ZFYVE28: variants seen among roughly 807,000 people sequenced by gnomAD.
ZFYVE28 encodes lateral signaling target protein 2 homolog.
In ZFYVE28, 40 loss-of-function variants were observed where a neutral mutation model predicts 82.1. The ratio of observed to expected loss-of-function variants is 0.49; its 90% confidence interval spans 0.38 to 0.63. ZFYVE28 has a LOEUF of 0.63. Among genes scored for constraint, ZFYVE28 ranks in the 30% least tolerant of loss-of-function variants. The pLI is 0.00. For missense variants in ZFYVE28, 1,321 were observed against 1,242.1 expected (o/e 1.06, Z -0.96); for synonymous variants, 612 against 546.1 (o/e 1.12, Z -1.68).
chr4:2,368,211 C>CAAAAAA (rs34092714), intron 1 of ZFYVE28, among the ~76,000 whole-genome samples: 3,289 of 85,914 alleles, frequency 0.038, 324 homozygotes, highest in African/African-American at 0.13. Flanking sequence ...CACATCTCTA[C>CAAAAAA]AAAAAAAAAA....
rs575232255 is a variant in ZFYVE28, at chr4:2,372,364, G to C, written c.40-18291C>G. On this transcript the variant is annotated intron_variant, in intron 1 of 12. Coordinates refer to ENST00000290974, the MANE Select transcript of ZFYVE28 (RefSeq NM_020972.3). This position sits in a 1 kb window ranked among gnomAD's most constrained non-coding sequence, Gnocchi z 5.2. The stretch of plus-strand genomic sequence containing the variant: ...CTGCCTCCCCAGCCCTTCCATCGCC[G>C]CCTCCTGCCACCACCGCTCCCGCCA... Among the ~76,000 whole-genome samples, 1 of 151,880 alleles carries C rather than the reference G, an allele frequency of 6.6e-6. No homozygotes were observed. The highest frequency in any genetic ancestry group is 2.4e-5 in the African/African-American group (1 of 41,340).
chr4:2,375,877 A>T (rs1383601991), intron 1 of ZFYVE28, among the ~76,000 whole-genome samples: 1 of 147,636 alleles, frequency 6.8e-6, no homozygotes, highest in African/African-American at 2.5e-5. Flanking sequence ...TGGTCAAATA[A>T]TTTTTTTTTT....
At chr4:2,315,279 GTTTT>G (rs1238400951) in intron 7 of ZFYVE28, among the ~76,000 whole-genome samples, 1 of 151,930 alleles carries the variant, frequency 6.6e-6, no homozygotes, top group Non-Finnish European at 1.5e-5. Flanking sequence ...TCCTTCAGCA[GTTTT>G]TTTTGTTTTG....
Position 2,341,701 on chromosome 4 carries a change from T to C in ZFYVE28, c.181-86A>G. On this transcript the variant is annotated intron_variant, in intron 2 of 12. Coordinates refer to ENST00000290974, the MANE Select transcript of ZFYVE28 (RefSeq NM_020972.3). The surrounding 1 kb of genome is among the most constrained non-coding windows in gnomAD (Gnocchi z 4.5). ...ACTGCTGGAAAACACGCACGGTGCATGTGACTGTTTTTTAGGATTATTAAA... is the reference window on the plus strand; with the variant it reads ...ACTGCTGGAAAACACGCACGGTGCACGTGACTGTTTTTTAGGATTATTAAA... 1 of 1,528,978 alleles carries C rather than the reference T, an allele frequency of 6.5e-7. No individual in the cohort carries two copies. The highest frequency in any genetic ancestry group is 8.9e-7 in the Non-Finnish European group (1 of 1,124,388). 94.7% of individuals were successfully genotyped at this position (1,528,978 alleles called of 1,614,324 possible).
intron 1 of ZFYVE28, among the ~76,000 whole-genome samples, chr4:2,410,470 T>C (rs111315120): frequency 0.019 from 2,902 of 149,668 alleles, 73 homozygotes; most frequent in African/African-American, 0.063. Context: ...TTTTTTTTTT[T>C]TTCATTTTTT....
chr4:2,411,214 A>G (rs1732486401), intron 1 of ZFYVE28, among the ~76,000 whole-genome samples: 1 of 151,440 alleles, frequency 6.6e-6, no homozygotes, highest in Non-Finnish European at 1.5e-5. Flanking sequence ...TTCCTTGTCC[A>G]TGGAGGGGCC....
rs1253993340 is a variant in ZFYVE28 at position 2,270,619 on chromosome 4, G to A, written c.*106C>T. On this transcript the variant is annotated 3_prime_UTR_variant, in exon 13 of 13. Transcript: ENST00000290974. ...CTCTGGAGGTCTGGGTGCCCCTGCA[G>A]CAGCGGCAGCGGCCTCATGAGACGC... 6.6e-7 allele frequency: 1 copy of A among 1,505,394 alleles called. No individual in the cohort carries two copies. Among genetic ancestry groups the A allele is most frequent in the African/African-American group, 1.4e-5 (1 of 73,442 alleles). 93.3% of individuals were successfully genotyped at this position (1,505,394 alleles called of 1,614,324 possible).
chr4:2,279,851 A>G (rs1399205689), intron 8 of ZFYVE28, among the ~76,000 whole-genome samples: 1 of 151,956 alleles, frequency 6.6e-6, no homozygotes, highest in Non-Finnish European at 1.5e-5. Flanking sequence ...GGCGAAACCC[A>G]TAGGGGCAGA....
rs1411132695 is a variant in ZFYVE28, at chr4:2,408,819, C to T, written c.39+9466G>A. The stretch of plus-strand genomic sequence containing the variant: ...AGATGAAGCCACGCCCAGGTGAGCC[C>T]CGCCCCACGGGCTGATCCACCCAAT... On this transcript the variant is annotated intron_variant, in intron 1 of 12. Transcript: ENST00000290974. The surrounding 1 kb of genome is among the most constrained non-coding windows in gnomAD (Gnocchi z 4.3). 6.6e-6 allele frequency among the ~76,000 whole-genome samples: 1 copy of T among 151,762 alleles called. No homozygotes were observed. The highest frequency in any genetic ancestry group is 2.4e-5 in the African/African-American group (1 of 41,030).
intron 2 of ZFYVE28, among the ~76,000 whole-genome samples, chr4:2,351,202 A>T (rs992509540): frequency 2.0e-5 from 3 of 151,494 alleles, no homozygotes; most frequent in Admixed American, 2.0e-4. Flanking sequence ...TGAATAGAGG[A>T]CCCCCACTGC....
In ZFYVE28 at chr4:2,330,781, C is replaced by T. The variant is rs1720555625; in HGVS notation, c.701+4924G>A. ...GGACAGTGTGGCAGTAGGGATAGGA[C>T]AGTCAAGGGGACCCTGAGCGAAGGG... On this transcript the variant is annotated intron_variant, in intron 6 of 12. Transcript: ENST00000290974. 4.6e-6 allele frequency: 7 copies of T among 1,522,430 alleles called. No homozygotes were observed. The African/African-American group carries it at 5.6e-5, about 12-fold the overall frequency. 94.3% of individuals were successfully genotyped at this position (1,522,430 alleles called of 1,614,324 possible).
At chr4:2,299,016 CT>C (rs1462252959) in intron 8 of ZFYVE28, among the ~76,000 whole-genome samples, 2 of 152,236 alleles carry the variant, frequency 1.3e-5, no homozygotes, top group East Asian at 3.8e-4. Context: ...GAGGAACAGA[CT>C]TGTTTCTAGA....
intron 8 of ZFYVE28, among the ~76,000 whole-genome samples, chr4:2,297,361 T>A (rs902137740): frequency 6.6e-6 from 1 of 152,150 alleles, no homozygotes; most frequent in African/African-American, 2.4e-5. Context: ...CCGTGACACC[T>A]CTGAGCCCTG....
Position 2,341,116 on chromosome 4 carries a change from C to A in ZFYVE28, c.318+362G>T, listed in dbSNP as rs1722725166. On this transcript the variant is annotated intron_variant, in intron 3 of 12. Coordinates refer to ENST00000290974, the MANE Select transcript of ZFYVE28 (RefSeq NM_020972.3). The surrounding 1 kb of genome is among the most constrained non-coding windows in gnomAD (Gnocchi z 4.5). ...GTGGGGCTGCAGCACGGCTCCCCAG[C>A]CCCTGCTGCTGCCCATGCTGCAGGG... is the stretch of plus-strand genomic sequence containing the variant. Among the ~76,000 whole-genome samples the A allele has an allele frequency of 6.6e-6, 1 of 152,068 alleles. No homozygotes were observed. The highest frequency in any genetic ancestry group is 6.5e-5 in the Admixed American group (1 of 15,282).
chr4:2,281,853 C>A (rs768422000), intron 8 of ZFYVE28, among the ~76,000 whole-genome samples: 1 of 152,108 alleles, frequency 6.6e-6, no homozygotes, highest in Non-Finnish European at 1.5e-5. Context: ...CACTATGTGT[C>A]CCCCAAAAGC....
rs78191673 is a variant in ZFYVE28, at chr4:2,397,745, G to A, written c.39+20540C>T. Among the ~76,000 whole-genome samples the A allele has an allele frequency of 1.4e-4, 22 of 152,246 alleles. No individual in the cohort carries two copies. In the East Asian group the frequency reaches 3.7e-3, roughly 25 times the overall value. On this transcript the variant is annotated intron_variant, in intron 1 of 12. Transcript: ENST00000290974. ...GGTCATCCATGCCGTAGTATGTGTCGGAATGTCCTTCCTTTTTAAGGCTGA... is the reference window on the plus strand; with the variant it reads ...GGTCATCCATGCCGTAGTATGTGTCAGAATGTCCTTCCTTTTTAAGGCTGA...
At chr4:2,363,648 C>T (rs1171848174) in intron 1 of ZFYVE28, among the ~76,000 whole-genome samples, 1 of 152,194 alleles carries the variant, frequency 6.6e-6, no homozygotes, top group Non-Finnish European at 1.5e-5. Flanking sequence ...TGTTGCGTAA[C>T]TTGTATGTGA....
chr4:2,391,455 C>CTCTT (rs1729816560), intron 1 of ZFYVE28, among the ~76,000 whole-genome samples: 1 of 117,224 alleles, frequency 8.5e-6, no homozygotes, highest in East Asian at 2.6e-4. Flanking sequence ...GGTCAATTAT[C>CTCTT]TTTTTTTTTT....
intron 1 of ZFYVE28, among the ~76,000 whole-genome samples, chr4:2,377,787 C>A (rs555239773): frequency 1.3e-5 from 2 of 152,204 alleles, no homozygotes; most frequent in Non-Finnish European, 2.9e-5. Context: ...GATTTACTCC[C>A]AGGTATTTCT....
Sources: gnomAD v4.1 joint callset for allele counts (sites outside exome capture counted in the v4.1 genomes callset) on GRCh38, gnomAD v4.1.1 for gene constraint, Gnocchi (gnomAD v3.1) non-coding constraint, MANE v1.5 for transcripts, NCBI Gene and HGNC (gene_info 2026-07-23, HGNC 2026-07-21) for gene names.